Variants in SPATS2 observed in about 807,000 individuals in gnomAD.
SPATS2 encodes spermatogenesis associated serine rich 2.
A neutral mutation model predicts 63.7 loss-of-function variants in SPATS2; 38 were observed. That is an observed-to-expected ratio of 0.60 (90% confidence interval 0.46 to 0.78). The LOEUF (loss-of-function observed/expected upper bound fraction) is 0.78. SPATS2 is among the 30% of genes least tolerant of loss of function. The pLI is 0.00. For missense variants in SPATS2, 588 were observed against 666.2 expected (o/e 0.88, Z 1.29); for synonymous variants, 207 against 232.9 (o/e 0.89, Z 1.01).
intron 3 of SPATS2, among the ~76,000 whole-genome samples, chr12:49,474,302 T>C (rs1946084331): frequency 6.6e-6 from 1 of 152,224 alleles, no homozygotes; most frequent in South Asian, 2.1e-4. Flanking sequence ...TATTGACTTC[T>C]AAGTCGGTTT....
Position 49,524,773 on chromosome 12 carries a change from T to G in SPATS2, c.1203T>G (p.Ala401=). 6.2e-7 allele frequency: 1 copy of G among 1,614,204 alleles called. No individual in the cohort carries two copies. The part of the protein sequence containing the change: ...SLSSPSDASA[A]SSSTCASPPS... The stretch of plus-strand genomic sequence containing the variant: ...GTAGCCCAAGTGATGCCTCTGCTGC[T>G]TCCTCTTCCACCTGTGCCTCTCCTC... Residue 401 remains alanine (A), a synonymous_variant, in exon 13 of 14, where the codon GCT becomes GCG. Coordinates refer to ENST00000552918, the MANE Select transcript of SPATS2 (RefSeq NM_023071.4).
chr12:49,505,530 A>G (rs1946641679), intron 9 of SPATS2, among the ~76,000 whole-genome samples: 1 of 152,166 alleles, frequency 6.6e-6, no homozygotes, highest in African/African-American at 2.4e-5. Flanking sequence ...TAAAAATTCA[A>G]AATCCAAACT....
In SPATS2 at chr12:49,490,768, A is replaced by G. The variant is rs746392299; in HGVS notation, c.264+37A>G. On this transcript the variant is annotated intron_variant, in intron 6 of 13. Transcript: ENST00000552918. ...TACATTTAAAAGCATGATGATGTGTATATTATTTTTAAAAATTTAGGCTCT... is the reference window on the plus strand; with the variant it reads ...TACATTTAAAAGCATGATGATGTGTGTATTATTTTTAAAAATTTAGGCTCT... 208 of 1,591,596 alleles carry G rather than the reference A, an allele frequency of 1.3e-4. 3 individuals are homozygous for G. The South Asian group carries it at 2.3e-3, about 17-fold the overall frequency.
At position 49,494,969 on chromosome 12, in the gene SPATS2, G is replaced by A. The variant is rs772074684; in HGVS notation, c.493G>A (p.Glu165Lys). The change falls in exon 7 of 14, where the codon GAG (glutamate) becomes AAG (lysine). Residue 165 changes from glutamate (E) to lysine (K), a missense_variant. Glu to Lys is a moderately conservative substitution (Grantham distance 56). Coordinates refer to ENST00000552918, the MANE Select transcript of SPATS2 (RefSeq NM_023071.4). ...SIDARELEDP[E>K]SAMLDTLDRT... is the part of the protein sequence containing the mutation. ...AGATGCCAGAGAATTGGAGGATCCC[G>A]AGTCTGCCATGCTAGATACGCTGGA... 22 of 1,613,374 alleles carry A rather than the reference G, an allele frequency of 1.4e-5. No homozygotes were observed. The highest frequency in any genetic ancestry group is 6.7e-5 in the Admixed American group (4 of 59,842).
At chr12:49,377,644 T>C (rs1944131872) in intron 2 of SPATS2, among the ~76,000 whole-genome samples, 1 of 152,194 alleles carries the variant, frequency 6.6e-6, no homozygotes, top group African/African-American at 2.4e-5. Context: ...ATCTACTGAA[T>C]GGCGTTAGTT....
intron 2 of SPATS2, among the ~76,000 whole-genome samples, chr12:49,432,935 T>C (rs1945211218): frequency 6.6e-6 from 1 of 152,168 alleles, no homozygotes; most frequent in African/African-American, 2.4e-5. Flanking sequence ...GTATCCAGAG[T>C]TGGGAGTCCT....
intron 2 of SPATS2, chr12:49,390,031 G>A (rs7309610): frequency 0.078 from 74,770 of 955,748 alleles, 3,302 homozygotes; most frequent in African/African-American, 0.15. Context: ...ACTTGAACAA[G>A]AAAACAAAGG....
At chr12:49,513,852 T>C (rs866256310) in intron 9 of SPATS2, among the ~76,000 whole-genome samples, 27 of 152,102 alleles carry the variant, frequency 1.8e-4, no homozygotes, top group Middle Eastern at 3.4e-3. Context: ...GACCAAAATA[T>C]AAATATAAAA....
At chr12:49,382,985 A>G (rs561480795) in intron 2 of SPATS2, among the ~76,000 whole-genome samples, 1 of 150,974 alleles carries the variant, frequency 6.6e-6, no homozygotes, top group African/African-American at 2.4e-5. Context: ...GATTACAGGC[A>G]TGAGCCACTG....
chr12:49,390,427 A>T (rs1434339265), intron 2 of SPATS2, among the ~76,000 whole-genome samples: 2 of 152,250 alleles, frequency 1.3e-5, no homozygotes, highest in Non-Finnish European at 2.9e-5. Flanking sequence ...AACTTTTGGC[A>T]GTGCTGCTGG....
At chr12:49,499,468 GT>G (rs372156446) in intron 8 of SPATS2, among the ~76,000 whole-genome samples, 1 of 146,150 alleles carries the variant, frequency 6.8e-6, no homozygotes, top group Admixed American at 6.9e-5. Flanking sequence ...GTTTTGTTTT[GT>G]TTTTTTTTTG....
chr12:49,430,356 C>T (rs1945164619), intron 2 of SPATS2, among the ~76,000 whole-genome samples: 1 of 152,002 alleles, frequency 6.6e-6, no homozygotes, highest in South Asian at 2.1e-4. Context: ...CCGACCTCGG[C>T]CTCCCAAAGT....
chr12:49,480,952 C>G (rs1448635466), intron 3 of SPATS2, among the ~76,000 whole-genome samples: 1 of 152,048 alleles, frequency 6.6e-6, no homozygotes, highest in Non-Finnish European at 1.5e-5. Context: ...GTCAAGACAC[C>G]TGTTCAAGGT....
Position 49,423,142 on chromosome 12 carries a change from G to T in SPATS2, c.-243-37628G>T, listed in dbSNP as rs1305455887. On this transcript the variant is annotated intron_variant, in intron 2 of 13. Coordinates refer to ENST00000552918, the MANE Select transcript of SPATS2 (RefSeq NM_023071.4). ...TAGCACTCTGGTTAATACTGTTTTT[G>T]TTTTTTTTTTTTGAGATGAAGTCTC... Among the ~76,000 whole-genome samples, 45 of 142,024 alleles carry T rather than the reference G, an allele frequency of 3.2e-4. No individual in the cohort carries two copies. In the East Asian group the frequency reaches 6.1e-3, roughly 19 times the overall value. The allele number at this position is 142,024 out of a possible 152,430, so 93.2% of individuals were successfully genotyped here. A position where few individuals can be genotyped will look rare whatever the true frequency, so the allele number is the denominator to read the frequency against.
intron 5 of SPATS2, chr12:49,490,392 GATGT>G: frequency 2.9e-6 from 1 of 344,322 alleles, no homozygotes; most frequent in Non-Finnish European, 5.3e-6. Flanking sequence ...TTTGGTCTAA[GATGT>G]ATGGATAAGA....
chr12:49,399,820 G>A (rs574725221), intron 2 of SPATS2, among the ~76,000 whole-genome samples: 3 of 152,066 alleles, frequency 2.0e-5, no homozygotes, highest in African/African-American at 7.2e-5. Flanking sequence ...GGCGGATCAC[G>A]AGGTCAGGAG....
intron 9 of SPATS2, among the ~76,000 whole-genome samples, chr12:49,509,192 G>A (rs1357179743): frequency 2.0e-5 from 3 of 150,920 alleles, no homozygotes; most frequent in Admixed American, 6.6e-5. Flanking sequence ...AGGTGCTTTT[G>A]ACTATTGGAA....
rs753192933 is a variant in SPATS2, at chr12:49,494,999, A to G, written c.523A>G (p.Thr175Ala). 1.4e-5 allele frequency: 22 copies of G among 1,578,060 alleles called. No individual in the cohort carries two copies. Among genetic ancestry groups the G allele is most frequent in the African/African-American group, 2.7e-5 (2 of 73,682 alleles). Reference sequence around the variant, plus strand: ...TGCCATGCTAGATACGCTGGATAGAACAGGTGAGTTTATTAACAGATTTTG... The same window carrying G: ...TGCCATGCTAGATACGCTGGATAGAGCAGGTGAGTTTATTAACAGATTTTG... ...ESAMLDTLDRTGSMLQNGVSD... is the reference protein window; with the variant it reads ...ESAMLDTLDRAGSMLQNGVSD... Residue 175 changes from threonine to alanine, a missense_variant, in exon 7 of 14, where the codon ACA becomes GCA. By Grantham distance (58) the Thr-to-Ala change is moderately conservative. Coordinates refer to ENST00000552918, the MANE Select transcript of SPATS2 (RefSeq NM_023071.4).
At chr12:49,402,913 C>A (rs1448929349) in intron 2 of SPATS2, among the ~76,000 whole-genome samples, 2 of 152,068 alleles carry the variant, frequency 1.3e-5, no homozygotes, top group Admixed American at 6.6e-5. Context: ...GGCTTCAGAG[C>A]AATTAGATTT....
Sources: gnomAD v4.1 joint callset for allele counts (sites outside exome capture counted in the v4.1 genomes callset) on GRCh38, gnomAD v4.1.1 for gene constraint, MANE v1.5 for transcripts, NCBI Gene and HGNC (gene_info 2026-07-23, HGNC 2026-07-21) for gene names.